Variants in FBXL7 observed in about 807,000 individuals in gnomAD.
FBXL7 encodes F-box/LRR-repeat protein 7.
A neutral mutation model predicts 38.3 loss-of-function variants in FBXL7; 12 were observed. That is an observed-to-expected ratio of 0.31 (90% CI 0.20 to 0.51). The LOEUF is 0.51. Ranked by LOEUF, FBXL7 falls within the 20% of genes least tolerant of loss-of-function variation. FBXL7 has a pLI of 0.98. For missense variants in FBXL7, 567 were observed against 676.4 expected, an observed-to-expected ratio of 0.84 and a Z score of 1.79; for synonymous variants, 297 against 300.9, an observed-to-expected ratio of 0.99 and a Z score of 0.13.
intron 2 of FBXL7, among the ~76,000 whole-genome samples, chr5:15,782,239 T>A (rs562833828): frequency 1.3e-3 from 204 of 152,274 alleles, no homozygotes; most frequent in African/African-American, 4.7e-3. Context: ...TGATAGGCAT[T>A]TGGTTTTTTC....
intron 1 of FBXL7, among the ~76,000 whole-genome samples, chr5:15,539,733 T>TC (rs912734584): frequency 6.6e-6 from 1 of 151,316 alleles, no homozygotes; most frequent in Admixed American, 6.6e-5. Context: ...GCTTTTTTTT[T>TC]CCCCCTAATT....
At chr5:15,880,364 G>A (rs1341346813) in intron 2 of FBXL7, among the ~76,000 whole-genome samples, 2 of 152,194 alleles carry the variant, frequency 1.3e-5, no homozygotes, top group African/African-American at 4.8e-5. Context: ...ACCTCAGGAG[G>A]AGGGGAGTCC....
chr5:15,880,387 A>C (rs1740395248), intron 2 of FBXL7, among the ~76,000 whole-genome samples: 1 of 152,168 alleles, frequency 6.6e-6, no homozygotes, highest in South Asian at 2.1e-4. Flanking sequence ...AACACAGGAG[A>C]AGCTGCACGT....
chr5:15,589,235 G>C (rs987687820), intron 1 of FBXL7, among the ~76,000 whole-genome samples: 9 of 152,074 alleles, frequency 5.9e-5, no homozygotes, highest in Non-Finnish European at 1.2e-4. Flanking sequence ...ATTTGATATG[G>C]TTTGGATTTC....
intron 2 of FBXL7, among the ~76,000 whole-genome samples, chr5:15,763,600 G>A (rs992743150): frequency 1.3e-5 from 2 of 152,044 alleles, no homozygotes; most frequent in Non-Finnish European, 2.9e-5. Context: ...TATTACATAG[G>A]TTACATAGAA....
At chr5:15,721,152 T>C (rs1045126281) in intron 2 of FBXL7, among the ~76,000 whole-genome samples, 1 of 152,214 alleles carries the variant, frequency 6.6e-6, no homozygotes, top group Non-Finnish European at 1.5e-5. Flanking sequence ...CATATACATC[T>C]TTGAAGCTCA....
intron 2 of FBXL7, among the ~76,000 whole-genome samples, chr5:15,719,241 A>G (rs4374757): frequency 0.24 from 36,189 of 152,106 alleles, 5,355 homozygotes; most frequent in South Asian, 0.38. Flanking sequence ...TAACATGACA[A>G]ATCCTTTGCC....
intron 1 of FBXL7, among the ~76,000 whole-genome samples, chr5:15,515,888 TTACTA>T: frequency 6.6e-6 from 1 of 152,284 alleles, no homozygotes; most frequent in South Asian, 2.1e-4. Context: ...GATTATCAAA[TTACTA>T]TAAGCTCAGA....
intron 1 of FBXL7, among the ~76,000 whole-genome samples, chr5:15,553,735 C>T (rs1235110807): frequency 6.6e-6 from 1 of 152,146 alleles, no homozygotes; most frequent in Non-Finnish European, 1.5e-5. Flanking sequence ...AAAAAAGGTA[C>T]ACAGGGTAAT....
chr5:15,642,726 G>A (rs1741407803), intron 2 of FBXL7, among the ~76,000 whole-genome samples: 1 of 152,144 alleles, frequency 6.6e-6, no homozygotes, highest in South Asian at 2.1e-4. Context: ...ATAGGCCAAC[G>A]GGGAAGCAGG....
At chr5:15,506,300 C>T (rs909546924) in intron 1 of FBXL7, among the ~76,000 whole-genome samples, 4 of 152,034 alleles carry the variant, frequency 2.6e-5, no homozygotes, top group East Asian at 1.9e-4. Flanking sequence ...ATGGCTATTC[C>T]GTGACTCCAG....
chr5:15,526,858 A>G lies in FBXL7; in HGVS notation c.37+26145A>G, dbSNP rs573384440. ...TTCCTGGTGCCTGTGAGGATCATCT[A>G]TGCCAAGGATGGATTTTGGCCTTCC... On this transcript the variant is annotated intron_variant, in intron 1 of 3. Coordinates refer to ENST00000504595, the MANE Select transcript of FBXL7 (RefSeq NM_012304.5). Among the ~76,000 whole-genome samples, 16 of 152,322 alleles carry G rather than the reference A, an allele frequency of 1.1e-4. No individual in the cohort carries two copies. In the East Asian group the frequency reaches 2.5e-3, roughly 24 times the overall value.
At chr5:15,608,526 A>G (rs1740109534) in intron 1 of FBXL7, among the ~76,000 whole-genome samples, 1 of 152,186 alleles carries the variant, frequency 6.6e-6, no homozygotes, top group Non-Finnish European at 1.5e-5. Context: ...TATTTAATCA[A>G]ACATGAATCT....
intron 2 of FBXL7, among the ~76,000 whole-genome samples, chr5:15,841,405 A>G (rs1019916622): frequency 1.3e-5 from 2 of 152,178 alleles, no homozygotes; most frequent in Non-Finnish European, 1.5e-5. Flanking sequence ...TTATAATAGA[A>G]TAATGAAATA....
intron 2 of FBXL7, among the ~76,000 whole-genome samples, chr5:15,710,065 C>T (rs1219314966): frequency 6.6e-6 from 1 of 152,160 alleles, no homozygotes; most frequent in Non-Finnish European, 1.5e-5. Context: ...GTGCCTGGTA[C>T]TTCCACTCTT....
At chr5:15,696,473 T>C (rs565691527) in intron 2 of FBXL7, among the ~76,000 whole-genome samples, 1 of 152,324 alleles carries the variant, frequency 6.6e-6, no homozygotes, top group African/African-American at 2.4e-5. Flanking sequence ...TCTTGTGCTG[T>C]AAGCTGAACC....
At chr5:15,553,804 C>T (rs550812797) in intron 1 of FBXL7, among the ~76,000 whole-genome samples, 11 of 152,176 alleles carry the variant, frequency 7.2e-5, no homozygotes, top group African/African-American at 2.2e-4. Flanking sequence ...TGAACCAAGA[C>T]GAAAAATCTC....
intron 2 of FBXL7, among the ~76,000 whole-genome samples, chr5:15,827,260 T>C: frequency 6.6e-6 from 1 of 152,174 alleles, no homozygotes; most frequent in East Asian, 1.9e-4. Context: ...TTGGTTTGGT[T>C]TTTTTTCGAT....
chr5:15,862,934 C>T (rs1321824507), intron 2 of FBXL7, among the ~76,000 whole-genome samples: 1 of 152,212 alleles, frequency 6.6e-6, no homozygotes, highest in Non-Finnish European at 1.5e-5. Flanking sequence ...TAGGGCTGCT[C>T]ATTCCCATCT....
Sources: gnomAD v4.1 joint callset for allele counts (sites outside exome capture counted in the v4.1 genomes callset) on GRCh38, gnomAD v4.1.1 for gene constraint, MANE v1.5 for transcripts, NCBI Gene and HGNC (gene_info 2026-07-23, HGNC 2026-07-21) for gene names.